The following RSPO2 variants were observed in gnomAD, a reference collection of about 807,000 sequenced individuals.
The protein encoded by RSPO2 is R-spondin 2, also known as R-spondin-2.
Under a neutral mutation model 30.9 loss-of-function variants are expected in RSPO2, and 14 were observed. That is an observed-to-expected ratio of 0.45 (90% CI 0.30 to 0.71). The LOEUF (loss-of-function observed/expected upper bound fraction) is 0.71. Ranked by LOEUF, RSPO2 falls within the 30% of genes least tolerant of loss-of-function variation. The pLI is 0.08. For missense variants in RSPO2, 264 were observed against 301.9 expected (o/e 0.87, Z 0.93); for synonymous variants, 107 against 96.4 (o/e 1.11, Z -0.64).
chr8:107,920,131 A>G (rs777121916), intron 5 of RSPO2, among the ~76,000 whole-genome samples: 2,116 of 152,302 alleles, frequency 0.014, 48 homozygotes, highest in African/African-American at 0.047. Flanking sequence ...GAAGAGAAAG[A>G]AGGAGGGAAG....
At chr8:107,989,290 G>T in intron 2 of RSPO2, 46 bp from the exon 3 acceptor site, 1 of 1,319,704 alleles carries the variant, frequency 7.6e-7, no homozygotes. Flanking sequence ...AGTATAATCA[G>T]ATTTTTGGTA....
At chr8:107,992,958 G>A (rs770908828) in intron 2 of RSPO2, among the ~76,000 whole-genome samples, 14 of 151,968 alleles carry the variant, frequency 9.2e-5, no homozygotes, top group Admixed American at 2.6e-4. Context: ...CTGAATATTG[G>A]AGAAAATAAA....
chr8:108,065,517 C>T (rs1176667247), intron 2 of RSPO2, among the ~76,000 whole-genome samples: 1 of 151,972 alleles, frequency 6.6e-6, no homozygotes, highest in East Asian at 1.9e-4. Context: ...GTTAAATGTA[C>T]ATATTATGGG....
At chr8:108,033,748 C>T (rs1811504847) in intron 2 of RSPO2, among the ~76,000 whole-genome samples, 1 of 152,146 alleles carries the variant, frequency 6.6e-6, no homozygotes, top group Non-Finnish European at 1.5e-5. Flanking sequence ...TTTCCAGACT[C>T]TTTTCAATGT....
At chr8:108,055,946 G>C (rs1187111524) in intron 2 of RSPO2, among the ~76,000 whole-genome samples, 1 of 152,168 alleles carries the variant, frequency 6.6e-6, no homozygotes, top group Non-Finnish European at 1.5e-5. Flanking sequence ...AGAATGCCTA[G>C]ATAGAATTCT....
rs775374943 is a variant in RSPO2 at position 107,960,800 on chromosome 8, A to G, written c.301T>C (p.Cys101Arg). The G allele has an allele frequency of 6.2e-7, 1 of 1,604,224 alleles. No individual in the cohort carries two copies. Among genetic ancestry groups the G allele is most frequent in the Admixed American group, 1.7e-5 (1 of 57,784 alleles). Residue 101 changes from cysteine to arginine, a missense_variant, in exon 4 of 6, where the codon TGT becomes CGT. By Grantham distance (180) the Cys-to-Arg change is radical (BLOSUM62 -3). Transcript: ENST00000276659. ...NRCARCRIEN[C>R]DSCFSKDFCT... Reference sequence around the variant, plus strand: ...AAGTCTTTGCTAAAGCAAGAATCACAGTTTTCTATTCTGCATCCTAAAAAC... The same window carrying G: ...AAGTCTTTGCTAAAGCAAGAATCACGGTTTTCTATTCTGCATCCTAAAAAC...
At chr8:107,958,935 T>C (rs1029837305) in intron 4 of RSPO2, among the ~76,000 whole-genome samples, 1 of 152,248 alleles carries the variant, frequency 6.6e-6, no homozygotes. Flanking sequence ...ATTTTCTTTA[T>C]GCAGTCTATC....
chr8:108,005,971 C>T (rs1815440772), intron 2 of RSPO2, among the ~76,000 whole-genome samples: 1 of 152,154 alleles, frequency 6.6e-6, no homozygotes, highest in African/African-American at 2.4e-5. Flanking sequence ...AAAGGAGTCA[C>T]TCAATACTTG....
chr8:107,995,597 G>A (rs530425487), intron 2 of RSPO2, among the ~76,000 whole-genome samples: 2 of 152,200 alleles, frequency 1.3e-5, no homozygotes, highest in South Asian at 2.1e-4. Flanking sequence ...CTGCTTTTAT[G>A]AAGACCACAA....
intron 2 of RSPO2, among the ~76,000 whole-genome samples, chr8:108,011,371 CA>C (rs1810708120): frequency 1.3e-5 from 2 of 152,004 alleles, no homozygotes; most frequent in South Asian, 2.1e-4. Context: ...GCAAAAAAGA[CA>C]AAAAATATTA....
At chr8:108,068,375 C>T (rs985972715) in intron 2 of RSPO2, among the ~76,000 whole-genome samples, 62 of 152,172 alleles carry the variant, frequency 4.1e-4, no homozygotes, top group African/African-American at 1.3e-3. Flanking sequence ...GTCCAATATA[C>T]ACTCTGTAGC....
intron 2 of RSPO2, among the ~76,000 whole-genome samples, chr8:108,028,774 C>T (rs75315356): frequency 0.014 from 2,197 of 152,174 alleles, 53 homozygotes; most frequent in African/African-American, 0.048. Flanking sequence ...ATTTGTCATC[C>T]GGAAATCATG....
rs768883871 is a variant in RSPO2 at position 107,901,091 on chromosome 8, T to G, written c.716A>C (p.Asp239Ala). The G allele has an allele frequency of 7.4e-6, 12 of 1,613,930 alleles. No homozygotes were observed. In the South Asian group the frequency reaches 1.2e-4, roughly 16 times the overall value. ...QEQHSVFLAT[D>A]RANQ is the part of the protein sequence containing the mutation. ...TCTCTTGTTTTATTGGTTAGCTCTG[T>G]CTGTAGCTAGGAAGACGCTGTGTTG... The change falls in exon 6 of 6, where the codon GAC becomes GCC. Residue 239 changes from aspartate to alanine, a missense_variant. Transcript: ENST00000276659.
At chr8:107,923,984 A>G (rs75647013) in intron 5 of RSPO2, among the ~76,000 whole-genome samples, 3,657 of 152,078 alleles carry the variant, frequency 0.024, 68 homozygotes, top group Non-Finnish European at 0.034. Context: ...AAAATAACTA[A>G]TGGGTACTAG....
intron 2 of RSPO2, among the ~76,000 whole-genome samples, chr8:108,038,863 T>TGC (rs765671397): frequency 7.9e-5 from 12 of 152,164 alleles, no homozygotes; most frequent in Non-Finnish European, 1.6e-4. Flanking sequence ...TGTAAACATA[T>TGC]GCACGAAGAA....
At chr8:107,901,292 A>C in intron 5 of RSPO2, 102 bp from the exon 6 acceptor site, 3 of 1,297,642 alleles carry the variant, frequency 2.3e-6, no homozygotes, top group Non-Finnish European at 3.1e-6. Context: ...CATCTGGAAA[A>C]CATCACCTAT....
Position 107,942,849 on chromosome 8 carries a change from T to A in RSPO2, c.616+15231A>T, listed in dbSNP as rs563601707. 3.0e-4 allele frequency among the ~76,000 whole-genome samples: 45 copies of A among 152,378 alleles called. No homozygotes were observed. The East Asian group carries it at 4.2e-3, about 14-fold the overall frequency. Reference sequence around the variant, plus strand: ...TTCAAAGGTATAAAATGAACTTAAATTATAGTTGCTGTTTTTATTTGACTA... The same window carrying A: ...TTCAAAGGTATAAAATGAACTTAAAATATAGTTGCTGTTTTTATTTGACTA... On this transcript the variant is annotated intron_variant, in intron 5 of 5. Coordinates refer to ENST00000276659, the MANE Select transcript of RSPO2 (RefSeq NM_178565.5).
intron 5 of RSPO2, among the ~76,000 whole-genome samples, chr8:107,919,974 G>A (rs527291227): frequency 1.1e-4 from 16 of 152,198 alleles, no homozygotes; most frequent in East Asian, 5.8e-4. Context: ...AGCTTCAAGC[G>A]TCCAGTATTT....
intron 3 of RSPO2, among the ~76,000 whole-genome samples, chr8:107,984,848 A>G (rs1215614884): frequency 6.6e-6 from 1 of 152,180 alleles, no homozygotes; most frequent in Admixed American, 6.5e-5. Flanking sequence ...AAAGGAGAAG[A>G]CAGTAGTGAA....
Sources: allele counts gnomAD v4.1 joint callset (sites outside exome capture counted in the v4.1 genomes callset), GRCh38; gene constraint gnomAD v4.1.1; transcripts MANE v1.5; gene names NCBI Gene and HGNC (gene_info 2026-07-23, HGNC 2026-07-21).